The following PDLIM2 variants were observed in gnomAD, a reference collection of about 807,000 sequenced individuals.
PDLIM2 encodes the protein PDZ and LIM domain 2, also known as PDZ and LIM domain protein 2.
In PDLIM2, 51 loss-of-function variants were observed where a neutral mutation model predicts 54.1. That is an observed-to-expected ratio of 0.94 (90% CI 0.75 to 1.19). The LOEUF (loss-of-function observed/expected upper bound fraction) is 1.19. PDLIM2 is among the 50% of genes most tolerant of loss of function. The pLI is 0.00. For missense variants in PDLIM2, 912 were observed against 874.0 expected, an observed-to-expected ratio of 1.04 and a Z score of -0.55; for synonymous variants, 398 against 385.6, an observed-to-expected ratio of 1.03 and a Z score of -0.38.
downstream of PDLIM2, chr8:22,594,567 T>C: frequency 1.2e-6 from 2 of 1,614,028 alleles, no homozygotes; most frequent in Non-Finnish European, 8.5e-7. Context: ...AGATTGTCAC[T>C]GGAAGCTTTG....
chr8:22,581,585 C>A (rs571942241), intron 3 of PDLIM2, 55 bp downstream of exon 2: 5 of 1,517,874 alleles, frequency 3.3e-6, no homozygotes, highest in Non-Finnish European at 4.4e-6. Context: ...CACCACCCCA[C>A]GTATTGAGCA....
chr8:22,594,732 C>A, downstream of PDLIM2: 1 of 1,516,378 alleles, frequency 6.6e-7, no homozygotes, highest in Non-Finnish European at 8.8e-7. Context: ...CCTTCCACTT[C>A]TTTCCTGGGA....
chr8:22,590,390 A>G (rs1251939726), intron 8 of PDLIM2: 1 of 152,912 alleles, frequency 6.5e-6, no homozygotes, highest in Non-Finnish European at 1.5e-5. Context: ...GAGGGACCAG[A>G]TGTGTGCAGA....
At chr8:22,588,561 GA>G (rs1800442229) in intron 6 of PDLIM2, 1 of 152,340 alleles carries the variant, frequency 6.6e-6, no homozygotes, top group Admixed American at 6.5e-5. Context: ...ATGCAGGCTG[GA>G]AACTGGCCTC....
intron 7 of PDLIM2, 43 bp from the exon 7 acceptor site, chr8:22,589,553 T>C: frequency 6.4e-7 from 1 of 1,573,054 alleles, no homozygotes. Flanking sequence ...TTGCCTAAGC[T>C]CCGGCACGGG....
exon 6 of PDLIM2, chr8:22,585,327 G>C (rs1403099417): frequency 2.5e-6 from 4 of 1,613,018 alleles, no homozygotes; most frequent in Non-Finnish European, 3.4e-6. Flanking sequence ...TCAGCTTCCA[G>C]AGTCTGGCAT....
chr8:22,591,513 G>A (rs1800545444), intron 8 of PDLIM2, 38 bp from the exon 8 acceptor site: 4 of 1,572,822 alleles, frequency 2.5e-6, no homozygotes, highest in Non-Finnish European at 1.7e-6. Flanking sequence ...GCTGTGGTTG[G>A]TGGGCTCTCA....
chr8:22,593,405 G>A (rs143556416), intron 9 of PDLIM2: 17 of 258,500 alleles, frequency 6.6e-5, no homozygotes, highest in African/African-American at 1.1e-4. Flanking sequence ...GGTAAAACCC[G>A]TCTCTACTAA....
Sources: allele counts gnomAD v4.1 joint callset, GRCh38; gene constraint gnomAD v4.1.1; transcripts MANE v1.5; gene names NCBI Gene and HGNC (gene_info 2026-07-23, HGNC 2026-07-21).